The following WDR25 variants were observed in gnomAD, a reference collection of about 807,000 sequenced individuals.
The protein encoded by WDR25 is WD repeat domain 25, also known as WD repeat-containing protein 25.
WDR25 carries 35 observed loss-of-function variants against 47.7 expected under a neutral mutation model. The observed-to-expected ratio is 0.73, with a 90% CI of 0.56 to 0.97. The LOEUF is 0.97. Among genes scored for constraint, WDR25 ranks in the 50% least tolerant of loss-of-function variants. The pLI is 0.00. For missense variants in WDR25, 634 were observed against 704.7 expected, an observed-to-expected ratio of 0.90 and a Z score of 1.14; for synonymous variants, 248 against 278.9, an observed-to-expected ratio of 0.89 and a Z score of 1.10.
At chr14:100,518,503 CTT>C (rs150697444) in intron 4 of WDR25, among the ~76,000 whole-genome samples, 6,657 of 151,938 alleles carry the variant, frequency 0.044, 200 homozygotes, top group Middle Eastern at 0.068. Flanking sequence ...TGCAGAGTCT[CTT>C]GACTTTTTAA....
Position 100,488,928 on chromosome 14 carries a change from G to C in WDR25, c.1101+4804G>C. 6.6e-6 allele frequency among the ~76,000 whole-genome samples: 1 copy of C among 152,202 alleles called. No homozygotes were observed. Among genetic ancestry groups the C allele is most frequent in the East Asian group, 1.9e-4 (1 of 5,192 alleles). ...GTGCCTGGCATCCCCGACAGGGCCTGGACCAGAGCAGGTGTTCAGGATAAC... is the reference window on the plus strand; with the variant it reads ...GTGCCTGGCATCCCCGACAGGGCCTCGACCAGAGCAGGTGTTCAGGATAAC... On this transcript the variant is annotated intron_variant, in intron 4 of 6. Coordinates refer to ENST00000402312, the MANE Select transcript of WDR25 (RefSeq NM_001161476.3). The surrounding 1 kb of genome is among the most constrained non-coding windows in gnomAD (Gnocchi z 4.2).
chr14:100,519,548 C>T (rs1196013096), intron 4 of WDR25, among the ~76,000 whole-genome samples: 2 of 150,532 alleles, frequency 1.3e-5, no homozygotes, highest in African/African-American at 2.4e-5. Flanking sequence ...ATTATAACTC[C>T]ATAACATATG....
At chr14:100,514,447 T>A (rs900487371) in intron 4 of WDR25, among the ~76,000 whole-genome samples, 2 of 152,154 alleles carry the variant, frequency 1.3e-5, no homozygotes, top group African/African-American at 4.8e-5. Context: ...TTCCATCTCT[T>A]CTCCCCCATC....
At chr14:100,459,894 G>GTATATATATATATATA (rs61706956) in intron 2 of WDR25, among the ~76,000 whole-genome samples, 13 of 78,282 alleles carry the variant, frequency 1.7e-4, no homozygotes, top group Non-Finnish European at 2.7e-4. Flanking sequence ...GTGTGTGTGT[G>GTATATATATATATATA]TATATATATA....
chr14:100,445,025 T>G (rs1038091357), intron 2 of WDR25, among the ~76,000 whole-genome samples: 2 of 152,158 alleles, frequency 1.3e-5, no homozygotes, highest in South Asian at 4.1e-4. Context: ...AGAGTTAGGA[T>G]TCAGGGGTGT....
intron 1 of WDR25, 89 bp downstream of exon 1, chr14:100,376,584 A>AT: frequency 2.4e-6 from 3 of 1,231,986 alleles, no homozygotes; most frequent in Non-Finnish European, 3.0e-6. Flanking sequence ...GCGGTCTCTC[A>AT]TAGCCGCTCG....
chr14:100,519,180 A>G (rs1475201970), intron 4 of WDR25, among the ~76,000 whole-genome samples: 1 of 151,676 alleles, frequency 6.6e-6, no homozygotes, highest in African/African-American at 2.4e-5. Flanking sequence ...CCCACCTGCT[A>G]TTATTGACTT....
In WDR25 at chr14:100,428,098, C is replaced by T. The variant is rs1898220794; in HGVS notation, c.823-39923C>T. Among the ~76,000 whole-genome samples, 1 of 152,242 alleles carries T rather than the reference C, an allele frequency of 6.6e-6. No homozygotes were observed. Among genetic ancestry groups the T allele is most frequent in the African/African-American group, 2.4e-5 (1 of 41,468 alleles). On this transcript the variant is annotated intron_variant, in intron 2 of 6. Coordinates refer to ENST00000402312, the MANE Select transcript of WDR25 (RefSeq NM_001161476.3). The surrounding 1 kb of genome is among the most constrained non-coding windows in gnomAD (Gnocchi z 4.3). ...CAGGTTCCCTGCAGCAGGGCCTCAT[C>T]ACAGTTCCCCCTGGAGCATTCACGC...
At chr14:100,461,255 T>C (rs1595112336) in intron 2 of WDR25, among the ~76,000 whole-genome samples, 1 of 152,148 alleles carries the variant, frequency 6.6e-6, no homozygotes, top group South Asian at 2.1e-4. Context: ...ACTCTGTCTA[T>C]TTTAAAAAGC....
intron 3 of WDR25, among the ~76,000 whole-genome samples, chr14:100,475,283 C>T (rs948686140): frequency 6.6e-6 from 1 of 152,200 alleles, no homozygotes; most frequent in Non-Finnish European, 1.5e-5. Flanking sequence ...CTGGGTGTAT[C>T]TCCAAAGGAA....
chr14:100,409,440 A>C (rs11160586), intron 2 of WDR25, among the ~76,000 whole-genome samples: 55,146 of 139,998 alleles, frequency 0.39, 12,856 homozygotes, highest in South Asian at 0.69. Flanking sequence ...CCATCCCAGG[A>C]AGCTGATCGA....
intron 3 of WDR25, among the ~76,000 whole-genome samples, chr14:100,476,736 C>T (rs1595128492): frequency 1.3e-5 from 2 of 152,152 alleles, no homozygotes; most frequent in Admixed American, 6.6e-5. Context: ...CCCAGGGTGC[C>T]GTGTGATGCG....
At position 100,502,521 on chromosome 14, in the gene WDR25, G is replaced by T. The variant is rs1469517552; in HGVS notation, c.1101+18397G>T. Among the ~76,000 whole-genome samples the T allele has an allele frequency of 1.3e-5, 2 of 152,206 alleles. No individual in the cohort carries two copies. The highest frequency in any genetic ancestry group is 2.9e-5 in the Non-Finnish European group (2 of 68,034). On this transcript the variant is annotated intron_variant, in intron 4 of 6. Coordinates refer to ENST00000402312, the MANE Select transcript of WDR25 (RefSeq NM_001161476.3). The surrounding 1 kb of genome is among the most constrained non-coding windows in gnomAD (Gnocchi z 4.5). ...GGGGGACCCAAGACACTCACAGGCTGCTCCCCACCTGCCAGCTCCAGTTCC... is the reference window on the plus strand; with the variant it reads ...GGGGGACCCAAGACACTCACAGGCTTCTCCCCACCTGCCAGCTCCAGTTCC...
At chr14:100,480,948 G>A (rs557631249) in intron 3 of WDR25, 2 of 405,918 alleles carry the variant, frequency 4.9e-6, no homozygotes, top group South Asian at 3.9e-5. Flanking sequence ...CCCATTGCCA[G>A]GATACCCAAG....
chr14:100,480,764 A>G (rs981327479), intron 3 of WDR25, among the ~76,000 whole-genome samples: 2 of 152,182 alleles, frequency 1.3e-5, no homozygotes, highest in East Asian at 1.9e-4. Context: ...TGATAATGCA[A>G]TTATTAACCT....
intron 4 of WDR25, among the ~76,000 whole-genome samples, chr14:100,495,288 C>T (rs1262411017): frequency 2.6e-5 from 4 of 152,250 alleles, no homozygotes; most frequent in East Asian, 1.9e-4. Context: ...ACCCTGGAAG[C>T]GGAGGTTGCA....
chr14:100,385,849 C>G (rs970199530), intron 2 of WDR25, among the ~76,000 whole-genome samples: 5 of 101,716 alleles, frequency 4.9e-5, no homozygotes, highest in African/African-American at 1.4e-4. Flanking sequence ...GACTTTGATG[C>G]CTTTTTTTGA....
rs1392306376 is a variant in WDR25, at chr14:100,488,389, A to T, written c.1101+4265A>T. Reference sequence around the variant, plus strand: ...GTATTGTGAGGGTCAATTTCTGCAGAAGCCCCTGAGCCTCTAGTGCCGTTG... The same window carrying T: ...GTATTGTGAGGGTCAATTTCTGCAGTAGCCCCTGAGCCTCTAGTGCCGTTG... On this transcript the variant is annotated intron_variant, in intron 4 of 6. Coordinates refer to ENST00000402312, the MANE Select transcript of WDR25 (RefSeq NM_001161476.3). The surrounding 1 kb of genome is among the most constrained non-coding windows in gnomAD (Gnocchi z 4.2). Among the ~76,000 whole-genome samples, 1 of 152,122 alleles carries T rather than the reference A, an allele frequency of 6.6e-6. No homozygotes were observed. Among genetic ancestry groups the T allele is most frequent in the South Asian group, 2.1e-4 (1 of 4,826 alleles).
rs1033280849 is a variant in WDR25, at chr14:100,498,944, TC to T, written c.1101+14825del. Among the ~76,000 whole-genome samples, 2 of 151,912 alleles carry T rather than the reference TC, an allele frequency of 1.3e-5. No individual in the cohort carries two copies. Among genetic ancestry groups the T allele is most frequent in the Admixed American group, 1.3e-4 (2 of 15,262 alleles). ...GCCGATGAGAGGGCTTGTCGTGGGG[TC>T]CCCCTGTGACTTGGGTGCAAGCAGG... On this transcript the variant is annotated intron_variant, in intron 4 of 6. Transcript: ENST00000402312. This position sits in a 1 kb window ranked among gnomAD's most constrained non-coding sequence, Gnocchi z 4.2.
Sources: allele counts gnomAD v4.1 joint callset (sites outside exome capture counted in the v4.1 genomes callset), GRCh38; gene constraint gnomAD v4.1.1; non-coding constraint Gnocchi (gnomAD v3.1); transcripts MANE v1.5; gene names NCBI Gene and HGNC (gene_info 2026-07-23, HGNC 2026-07-21).